Variants in RNF2 observed in about 807,000 individuals in gnomAD.
RNF2 encodes ring finger protein 2.
Under a neutral mutation model 37.2 loss-of-function variants are expected in RNF2, and 6 were observed. That is an observed-to-expected ratio of 0.16 (90% CI 0.09 to 0.32). The LOEUF is 0.32. Ranked by LOEUF, RNF2 falls within the 10% of genes least tolerant of loss-of-function variation. The pLI is 1.00. For synonymous variants in RNF2, 133 were observed against 132.7 expected (o/e 1.00, Z -0.02); for missense variants, 251 against 404.0 (o/e 0.62, Z 3.25).
At chr1:185,067,581 T>C (rs903539439) in intron 1 of RNF2, among the ~76,000 whole-genome samples, 5 of 152,154 alleles carry the variant, frequency 3.3e-5, no homozygotes, top group Admixed American at 6.5e-5. Context: ...GAAAAACATA[T>C]CTCATTAAAA....
rs551210522 is a variant in RNF2, at chr1:185,063,438, CT to C, written c.-3+17793del. ...AGAACTACTTCTCTAGAGGAAGACTCTTTTCCTGTGAGTGCATTTAGTTTTC... is the reference window on the plus strand; with the variant it reads ...AGAACTACTTCTCTAGAGGAAGACTCTTTCCTGTGAGTGCATTTAGTTTTC... On this transcript the variant is annotated intron_variant, in intron 1 of 6. Coordinates refer to ENST00000367510, the MANE Select transcript of RNF2 (RefSeq NM_007212.4). Among the ~76,000 whole-genome samples, 48 of 152,278 alleles carry C rather than the reference CT, an allele frequency of 3.2e-4. 1 individual carries two copies. The East Asian group carries it at 9.3e-3, about 29-fold the overall frequency.
chr1:185,070,924 A>G lies in RNF2; in HGVS notation c.-2-16628A>G, dbSNP rs1267065099. On this transcript the variant is annotated intron_variant, in intron 1 of 6. Transcript: ENST00000367510. ...GTGCTTGGGATTACAGGCGTGAGCC[A>G]CTGCACCCGGCCAGACTGCAGTATT... 2.6e-5 allele frequency among the ~76,000 whole-genome samples: 4 copies of G among 152,162 alleles called. No individual in the cohort carries two copies. In the East Asian group the frequency reaches 7.7e-4, roughly 29 times the overall value.
chr1:185,084,812 CAA>C (rs59747322), intron 1 of RNF2, among the ~76,000 whole-genome samples: 2,236 of 152,266 alleles, frequency 0.015, 61 homozygotes, highest in African/African-American at 0.05. Context: ...CTTTGATTCA[CAA>C]GAGAGAGTTG....
At chr1:185,045,811 C>T (rs979394966) in intron 1 of RNF2, among the ~76,000 whole-genome samples, 162 bp downstream of exon 1, 26 of 152,158 alleles carry the variant, frequency 1.7e-4, no homozygotes, top group African/African-American at 6.3e-4. Flanking sequence ...CCCCCGGCCG[C>T]TCTCGCGGCG....
intron 1 of RNF2, among the ~76,000 whole-genome samples, chr1:185,082,024 C>A (rs1005612163): frequency 6.6e-6 from 1 of 152,096 alleles, no homozygotes; most frequent in African/African-American, 2.4e-5. Flanking sequence ...TCACTAGTTA[C>A]CAAATAAAAT....
chr1:185,078,719 G>C (rs993034008), intron 1 of RNF2, among the ~76,000 whole-genome samples: 1 of 150,964 alleles, frequency 6.6e-6, no homozygotes, highest in South Asian at 2.1e-4. Flanking sequence ...AGACCAGCCT[G>C]GCCAACATGG....
At position 185,051,880 on chromosome 1, in the gene RNF2, ATG is replaced by A. The variant is rs569031595; in HGVS notation, c.-3+6237_-3+6238del. 3.6e-4 allele frequency among the ~76,000 whole-genome samples: 54 copies of A among 148,840 alleles called. 2 individuals are homozygous for A. Among genetic ancestry groups the A allele is most frequent in the African/African-American group, 1.2e-3 (48 of 40,924 alleles). ...TATACATGCATATATATATGTAAAA[ATG>A]TGTGTATGTAAAAAGTCGTATTTGT... is the stretch of plus-strand genomic sequence containing the variant. On this transcript the variant is annotated intron_variant, in intron 1 of 6. Transcript: ENST00000367510.
intron 1 of RNF2, among the ~76,000 whole-genome samples, chr1:185,073,713 A>C (rs1651056297): frequency 6.6e-6 from 1 of 152,244 alleles, no homozygotes; most frequent in Non-Finnish European, 1.5e-5. Context: ...CAGCCAGTAC[A>C]TTTTTATTGT....
chr1:185,090,300 A>C (rs1453442680), intron 2 of RNF2, among the ~76,000 whole-genome samples: 1 of 152,126 alleles, frequency 6.6e-6, no homozygotes, highest in Admixed American at 6.5e-5. Context: ...CTGCACAGGT[A>C]CAGCCCTGGA....
chr1:185,062,775 A>T (rs1650649128), intron 1 of RNF2, among the ~76,000 whole-genome samples: 1 of 151,692 alleles, frequency 6.6e-6, no homozygotes, highest in African/African-American at 2.4e-5. Flanking sequence ...TAAAAAAAAA[A>T]CCTGACAGAA....
At chr1:185,082,270 C>G (rs565019728) in intron 1 of RNF2, among the ~76,000 whole-genome samples, 1 of 151,214 alleles carries the variant, frequency 6.6e-6, no homozygotes, top group African/African-American at 2.4e-5. Context: ...TGATTGTCCT[C>G]AGTTGGTCGT....
Position 185,099,887 on chromosome 1 carries a change from A to C in RNF2, c.834A>C (p.Ser278=), listed in dbSNP as rs1388378335. The change falls in exon 6 of 7, where the codon TCA becomes TCC. Residue 278 remains serine (S), a synonymous_variant. Coordinates refer to ENST00000367510, the MANE Select transcript of RNF2 (RefSeq NM_007212.4). ...AAGAACTTCGAAGCAAAGGTGAATC[A>C]AACCAGATGAACCTTGATACAGCCA... ...ALEELRSKGE[S]NQMNLDTASE... is the part of the protein sequence containing the mutation. The C allele has an allele frequency of 6.2e-7, 1 of 1,614,056 alleles. No individual in the cohort carries two copies. The highest frequency in any genetic ancestry group is 8.5e-7 in the Non-Finnish European group (1 of 1,180,006).
chr1:185,074,713 TAC>T (rs1651093372), intron 1 of RNF2, among the ~76,000 whole-genome samples: 1 of 152,182 alleles, frequency 6.6e-6, no homozygotes, highest in African/African-American at 2.4e-5. Context: ...TCTGAACGTG[TAC>T]AGATTTTTTT....
At chr1:185,100,070 G>A in intron 6 of RNF2, 108 bp downstream of exon 6, 1 of 1,243,196 alleles carries the variant, frequency 8.0e-7, no homozygotes, top group Non-Finnish European at 1.1e-6. Flanking sequence ...AACCGTAACA[G>A]TGTTAAGTGA....
intron 1 of RNF2, among the ~76,000 whole-genome samples, chr1:185,064,576 T>C (rs182324813): frequency 6.6e-6 from 1 of 152,394 alleles, no homozygotes. Flanking sequence ...TTTAAGCTTA[T>C]ATTTTCAACT....
At chr1:185,089,236 T>C (rs1357186498) in intron 2 of RNF2, among the ~76,000 whole-genome samples, 3 of 152,212 alleles carry the variant, frequency 2.0e-5, no homozygotes, top group Non-Finnish European at 4.4e-5. Context: ...TAGGCAGTAA[T>C]GCTTACTTGC....
intron 1 of RNF2, among the ~76,000 whole-genome samples, chr1:185,073,913 A>G (rs970422582): frequency 3.3e-5 from 5 of 152,144 alleles, no homozygotes; most frequent in African/African-American, 1.2e-4. Flanking sequence ...GCCAGACCCC[A>G]CACATTAAGG....
At chr1:185,063,229 A>G (rs1650664792) in intron 1 of RNF2, among the ~76,000 whole-genome samples, 1 of 152,236 alleles carries the variant, frequency 6.6e-6, no homozygotes. Flanking sequence ...ATTTTTACAC[A>G]GAATACGTAG....
rs532346124 is a variant in RNF2 at position 185,049,337 on chromosome 1, G to A, written c.-3+3688G>A. On this transcript the variant is annotated intron_variant, in intron 1 of 6. Coordinates refer to ENST00000367510, the MANE Select transcript of RNF2 (RefSeq NM_007212.4). ...TTCTAGGATATGTGCTACATTAAAG[G>A]AGGTGAGTGTGTGTGTTTGGAATAA... is the stretch of plus-strand genomic sequence containing the variant. 3.3e-4 allele frequency among the ~76,000 whole-genome samples: 50 copies of A among 152,292 alleles called. 1 individual carries two copies. In the South Asian group the frequency reaches 0.01, roughly 32 times the overall value.
Sources: allele counts gnomAD v4.1 joint callset (sites outside exome capture counted in the v4.1 genomes callset), GRCh38; gene constraint gnomAD v4.1.1; transcripts MANE v1.5; gene names NCBI Gene and HGNC (gene_info 2026-07-23, HGNC 2026-07-21).